CHD7: variants seen among roughly 807,000 people sequenced by gnomAD.
The protein encoded by CHD7 is ATP-dependent chromatin remodeler CHD7.
A neutral mutation model predicts 307.3 loss-of-function variants in CHD7; 24 were observed. The ratio of observed to expected loss-of-function variants is 0.08; its 90% CI spans 0.06 to 0.11. The LOEUF (loss-of-function observed/expected upper bound fraction) is 0.11. Ranked by LOEUF, CHD7 falls within the 10% of genes least tolerant of loss-of-function variation. The probability of loss-of-function intolerance (pLI) is 1.00; values close to 1 mark genes in which losing one functional copy is unlikely to be tolerated. For synonymous variants in CHD7, 1,363 were observed against 1,349.9 expected (o/e 1.01, Z -0.21); for missense variants, 3,106 against 3,727.1 (o/e 0.83, Z 4.34).
chr8:60,816,352 C>A, intron 7 of CHD7, 35 bp from the exon 8 acceptor site: 2 of 1,104,708 alleles, frequency 1.8e-6, no homozygotes, highest in Non-Finnish European at 2.7e-6. Context: ...TAATTATATT[C>A]TACATATTTC....
intron 13 of CHD7, chr8:60,824,653 T>C (rs909275017): frequency 3.9e-5 from 6 of 152,338 alleles, no homozygotes; most frequent in African/African-American, 1.4e-4. Context: ...TTGGGTAGGA[T>C]ATCTGGGGTT....
At chr8:60,827,749 T>C (rs1157407023) in intron 13 of CHD7, among the ~76,000 whole-genome samples, 1 of 151,970 alleles carries the variant, frequency 6.6e-6, no homozygotes, top group African/African-American at 2.4e-5. Flanking sequence ...AGCATGTTCT[T>C]ACCTCATTCA....
chr8:60,706,634 A>G (rs777386582), intron 1 of CHD7, among the ~76,000 whole-genome samples: 16 of 152,192 alleles, frequency 1.1e-4, no homozygotes, highest in Non-Finnish European at 2.1e-4. Context: ...AGATTATCAC[A>G]TTTATCTTCA....
chr8:60,685,307 G>C (rs575641029), intron 1 of CHD7, among the ~76,000 whole-genome samples: 6 of 152,248 alleles, frequency 3.9e-5, no homozygotes, highest in Non-Finnish European at 5.9e-5. Flanking sequence ...TGGGAGAGGG[G>C]AGGGAAGCCT....
chr8:60,791,941 G>A (rs1185730278), intron 3 of CHD7, among the ~76,000 whole-genome samples: 6 of 152,100 alleles, frequency 3.9e-5, no homozygotes, highest in Non-Finnish European at 5.9e-5. Context: ...GGCCCAAATG[G>A]GTCTGAGCCA....
chr8:60,691,552 G>A (rs1189451588), intron 1 of CHD7, among the ~76,000 whole-genome samples: 1 of 152,120 alleles, frequency 6.6e-6, no homozygotes, highest in Non-Finnish European at 1.5e-5. Flanking sequence ...TTATCCTCCA[G>A]GCAGAAAAAG....
rs769258518 is a variant in CHD7, at chr8:60,741,828, G to A, written c.396G>A (p.Glu132=). The A allele has an allele frequency of 3.1e-6, 5 of 1,613,946 alleles. No individual in the cohort carries two copies. The highest frequency in any genetic ancestry group is 4.2e-6 in the Non-Finnish European group (5 of 1,179,866). The change falls in exon 2 of 38, where the codon GAG becomes GAA. Residue 132 remains glutamate, a synonymous_variant. Transcript: ENST00000423902. ...GTGTCTACCCTGGCATGCAGAATGA[G>A]AGGCATGGGCAATCCTTTGTGGACA... The part of the protein sequence containing the change: ...QMGVYPGMQN[E]RHGQSFVDSS...
At chr8:60,816,113 GTCTCTCTCTCTCTC>G (rs201056061) in intron 7 of CHD7, among the ~76,000 whole-genome samples, 2,638 of 139,270 alleles carry the variant, frequency 0.019, 86 homozygotes, top group African/African-American at 0.07. Context: ...CTGTCTGTCT[GTCTCTCTCTCTCTC>G]TCTCTCTCTC....
At position 60,832,106 on chromosome 8, in the gene CHD7, C is replaced by T. The variant is rs1022535596; in HGVS notation, c.3778+1529C>T. 2.6e-4 allele frequency among the ~76,000 whole-genome samples: 39 copies of T among 152,240 alleles called. 1 individual carries two copies. The highest frequency in any genetic ancestry group is 9.2e-4 in the Admixed American group (14 of 15,300). ...GCACGATCTCGGCTCACTGCAGCCT[C>T]GACCTCCCAGGCTCAAGCATCCCTC... On this transcript the variant is annotated intron_variant, in intron 15 of 37. Coordinates refer to ENST00000423902, the MANE Select transcript of CHD7 (RefSeq NM_017780.4).
intron 2 of CHD7, among the ~76,000 whole-genome samples, chr8:60,749,370 CA>C (rs55661758): frequency 3.6e-4 from 20 of 56,304 alleles, no homozygotes; most frequent in Admixed American, 3.2e-3. Flanking sequence ...GACTCTGTAT[CA>C]AAAAAAAAAA....
rs1812681697 is a variant in CHD7 at position 60,809,263 on chromosome 8, A to G, written c.2498+991A>G. On this transcript the variant is annotated intron_variant, in intron 7 of 37. Transcript: ENST00000423902. ...TCTATCAGTTTTATCATGAGAGTTC[A>G]ATGAAATACAGTCTGACAATTTTAA... Among the ~76,000 whole-genome samples the G allele has an allele frequency of 2.0e-5, 3 of 152,238 alleles. No homozygotes were observed. In the South Asian group the frequency reaches 6.2e-4, roughly 31 times the overall value.
chr8:60,856,451 G>A lies in CHD7; in HGVS notation c.7171G>A (p.Ala2391Thr). Residue 2391 changes from alanine (A) to threonine (T), a missense_variant, in exon 34 of 38, where the codon GCC becomes ACC. Coordinates refer to ENST00000423902, the MANE Select transcript of CHD7 (RefSeq NM_017780.4). ...TGTTGGAATTTTTCAATAGGAAGAT[G>A]CCCTCAACCTCTCTGTCCCTCGCCA... ...TTSPQLSKED[A>T]LNLSVPRQRR... 1 of 1,608,628 alleles carries A rather than the reference G, an allele frequency of 6.2e-7. No individual in the cohort carries two copies. Among genetic ancestry groups the A allele is most frequent in the Non-Finnish European group, 8.5e-7 (1 of 1,177,040 alleles).
intron 1 of CHD7, among the ~76,000 whole-genome samples, chr8:60,694,162 T>C (rs1465013420): frequency 6.6e-6 from 1 of 152,268 alleles, no homozygotes; most frequent in African/African-American, 2.4e-5. Flanking sequence ...GTGTGAGGCT[T>C]ATAACAGAAT....
At chr8:60,749,037 C>T (rs778393152) in intron 2 of CHD7, among the ~76,000 whole-genome samples, 16 of 150,436 alleles carry the variant, frequency 1.1e-4, no homozygotes, top group Non-Finnish European at 2.4e-4. Context: ...TCTCAAGTAG[C>T]ATCAATCTTA....
intron 17 of CHD7, 143 bp downstream of exon 17, chr8:60,837,155 T>C: frequency 1.6e-6 from 1 of 639,704 alleles, no homozygotes; most frequent in Non-Finnish European, 2.6e-6. Flanking sequence ...AACCAACTAG[T>C]AATCTGTTGA....
rs143195020 is a variant in CHD7 at position 60,772,239 on chromosome 8, C to T, written c.1666-8761C>T. Among the ~76,000 whole-genome samples the T allele has an allele frequency of 3.6e-3, 554 of 152,118 alleles. 3 individuals carry two copies. The highest frequency in any genetic ancestry group is 0.013 in the African/African-American group (522 of 41,510). ...CTCCTTATAAATTGATTTTTTTTCCCTTCAAAAATTGTTTTGTTCCCAATT... is the reference window on the plus strand; with the variant it reads ...CTCCTTATAAATTGATTTTTTTTCCTTTCAAAAATTGTTTTGTTCCCAATT... On this transcript the variant is annotated intron_variant, in intron 2 of 37. Coordinates refer to ENST00000423902, the MANE Select transcript of CHD7 (RefSeq NM_017780.4).
Position 60,830,564 on chromosome 8 carries a change from G to T in CHD7, c.3765G>T (p.Pro1255=). Residue 1255 remains proline (P), a synonymous_variant, in exon 15 of 38, where the codon CCG becomes CCT. Transcript: ENST00000423902. ...MMELRKCCNH[P]YLINGAEEKI... ...AATTGCGGAAGTGCTGCAATCATCCGTACCTTATCAATGGTAAGGCTGCCC... is the reference window on the plus strand; with the variant it reads ...AATTGCGGAAGTGCTGCAATCATCCTTACCTTATCAATGGTAAGGCTGCCC... 3 of 1,613,122 alleles carry T rather than the reference G, an allele frequency of 1.9e-6. No individual in the cohort carries two copies. Among genetic ancestry groups the T allele is most frequent in the Non-Finnish European group, 2.5e-6 (3 of 1,179,126 alleles).
At chr8:60,864,687 A>T in intron 37 of CHD7, 1 of 278,154 alleles carries the variant, frequency 3.6e-6, no homozygotes. Flanking sequence ...GTTATCAAAA[A>T]CTAGATCTTA....
At chr8:60,849,712 A>G (rs1805367082) in intron 25 of CHD7, among the ~76,000 whole-genome samples, 1 of 152,174 alleles carries the variant, frequency 6.6e-6, no homozygotes, top group African/African-American at 2.4e-5. Flanking sequence ...TCGCGGAGGT[A>G]TTCTCAGCAG....
Sources: gnomAD v4.1 joint callset for allele counts (sites outside exome capture counted in the v4.1 genomes callset) on GRCh38, gnomAD v4.1.1 for gene constraint, MANE v1.5 for transcripts, NCBI Gene and HGNC (gene_info 2026-07-23, HGNC 2026-07-21) for gene names.